Variants in OSMR observed in about 807,000 individuals in gnomAD.
OSMR encodes oncostatin-M-specific receptor subunit beta.
Under a neutral mutation model 99.9 loss-of-function variants are expected in OSMR, and 81 were observed. The observed-to-expected ratio is 0.81, with a 90% confidence interval of 0.68 to 0.97. OSMR has a LOEUF of 0.97. Among genes scored for constraint, OSMR ranks in the 50% least tolerant of loss-of-function variants. The probability of loss-of-function intolerance (pLI) is 0.00; values close to 1 mark genes in which losing one functional copy is unlikely to be tolerated. For synonymous variants in OSMR, 406 were observed against 410.4 expected (o/e 0.99, Z 0.13); for missense variants, 1,099 against 1,153.4 (o/e 0.95, Z 0.68).
At chr5:38,909,609 T>G (rs551928708) in intron 9 of OSMR, among the ~76,000 whole-genome samples, 1 of 152,326 alleles carries the variant, frequency 6.6e-6, no homozygotes, top group African/African-American at 2.4e-5. Flanking sequence ...CAACCAAGAA[T>G]TTCATATCTA....
rs1355371023 is a variant in OSMR, at chr5:38,933,152, T to C, written c.2648T>C (p.Met883Thr). The C allele has an allele frequency of 3.1e-6, 5 of 1,614,156 alleles. No individual in the cohort carries two copies. Among genetic ancestry groups the C allele is most frequent in the Non-Finnish European group, 8.5e-7 (1 of 1,179,998 alleles). The change falls in exon 18 of 18, where the codon ATG becomes ACG. Residue 883 changes from methionine to threonine, a missense_variant. Transcript: ENST00000274276. ...HVPVSPKAPS[M>T]LGLMTSPENV... ...CCAGTATCCCCAAAAGCCCCAAGTA[T>C]GCTGGGACTAATGACCTCACCTGAA...
At chr5:38,897,835 C>T (rs1424823758) in intron 7 of OSMR, among the ~76,000 whole-genome samples, 2 of 152,054 alleles carry the variant, frequency 1.3e-5, no homozygotes, top group African/African-American at 4.8e-5. Context: ...TCATTTGTTT[C>T]AAGAAATTTT....
intron 1 of OSMR, chr5:38,942,899 G>C (rs2112785100): frequency 1.2e-6 from 2 of 1,608,628 alleles, no homozygotes; most frequent in Non-Finnish European, 1.7e-6. Flanking sequence ...TGAATGTGCA[G>C]TGTGACAGCA....
intron 2 of OSMR, chr5:38,944,633 GAAATTTATTTTTA>G: frequency 2.2e-6 from 3 of 1,386,254 alleles, no homozygotes; most frequent in African/African-American, 1.5e-5. Context: ...TAAAACTCAT[GAAATTTATTTTTA>G]AACTTCACCT....
intron 9 of OSMR, among the ~76,000 whole-genome samples, chr5:38,916,919 G>A (rs1745930712): frequency 6.6e-6 from 1 of 152,138 alleles, no homozygotes; most frequent in African/African-American, 2.4e-5. Context: ...GAGAGACAAG[G>A]AAGCACACTA....
At chr5:38,857,707 G>A (rs563187388) in intron 1 of OSMR, among the ~76,000 whole-genome samples, 258 of 151,306 alleles carry the variant, frequency 1.7e-3, no homozygotes, top group African/African-American at 5.7e-3. Context: ...TCGCTGTGTC[G>A]CCTAGGCTGG....
At chr5:38,880,741 C>T (rs16867831) in intron 3 of OSMR, among the ~76,000 whole-genome samples, 38,386 of 151,972 alleles carry the variant, frequency 0.25, 5,115 homozygotes, top group African/African-American at 0.32. Flanking sequence ...TTTGGAGAGA[C>T]GATTCCTGCA....
chr5:38,869,102 A>T lies in OSMR; in HGVS notation c.58A>T (p.Thr20Ser). The change falls in exon 2 of 18, where the codon ACT (threonine) becomes TCT (serine). Residue 20 changes from threonine (T) to serine (S), a missense_variant. Coordinates refer to ENST00000274276, the MANE Select transcript of OSMR (RefSeq NM_003999.3). ...TFFLTLLSLR[T>S]YQSEVLAERL... ...CTTCTTAACATTGCTGTCCTTGAGG[A>T]CTTACCAGAGTGAAGGTAAGAAGTG... The T allele has an allele frequency of 6.2e-7, 1 of 1,611,838 alleles. No individual in the cohort carries two copies. The highest frequency in any genetic ancestry group is 8.5e-7 in the Non-Finnish European group (1 of 1,177,904).
At chr5:38,865,513 A>G (rs1446655920) in intron 1 of OSMR, among the ~76,000 whole-genome samples, 4 of 152,238 alleles carry the variant, frequency 2.6e-5, no homozygotes, top group African/African-American at 9.6e-5. Flanking sequence ...TGTAATCAGC[A>G]TTAGTAGTGT....
intron 10 of OSMR, 61 bp from the exon 11 acceptor site, chr5:38,918,779 A>C: frequency 6.3e-7 from 1 of 1,596,366 alleles, no homozygotes; most frequent in Non-Finnish European, 8.5e-7. Context: ...ATGAAAAAGG[A>C]GTTGTACAAA....
At position 38,918,838 on chromosome 5, in the gene OSMR, A is replaced by G; in HGVS notation, c.1363-2A>G. On this transcript the variant is annotated splice_acceptor_variant, in intron 10 of 17. Transcript: ENST00000274276. LOFTEE classifies it high-confidence loss of function. ...AAAAATGTTTATCAATATTTTTTTC[A>G]GCCATTATCAAAACTGCATGCCAAT... The G allele has an allele frequency of 6.2e-7, 1 of 1,613,618 alleles. No homozygotes were observed. The highest frequency in any genetic ancestry group is 8.5e-7 in the Non-Finnish European group (1 of 1,179,568).
intron 1 of OSMR, among the ~76,000 whole-genome samples, chr5:38,863,192 AGAGGGGGAGGGG>A (rs1247498132): frequency 3.9e-4 from 3 of 7,722 alleles, no homozygotes; most frequent in Non-Finnish European, 7.6e-4. Flanking sequence ...AGGGAGAGGG[AGAGGGGGAGGGG>A]GAGGGGGAGG....
rs778007462 is a variant in OSMR, at chr5:38,919,229, G to A, written c.1585+167G>A. ...CAGGTGTGTCAACGTGTTTCAGTGG[G>A]ACAGTCCCCTCAGTGTGGGGAGAAG... On this transcript the variant is annotated intron_variant, in intron 11 of 17. Coordinates refer to ENST00000274276, the MANE Select transcript of OSMR (RefSeq NM_003999.3). 8 of 1,528,788 alleles carry A rather than the reference G, an allele frequency of 5.2e-6. No homozygotes were observed. In the South Asian group the frequency reaches 8.4e-5, roughly 16 times the overall value. 94.7% of individuals were successfully genotyped at this position (1,528,788 alleles called of 1,614,324 possible). A position where few individuals can be genotyped will look rare whatever the true frequency, so the allele number is the denominator to read the frequency against.
chr5:38,894,846 G>A (rs1744396469), intron 7 of OSMR, among the ~76,000 whole-genome samples: 1 of 151,884 alleles, frequency 6.6e-6, no homozygotes, highest in African/African-American at 2.4e-5. Context: ...TTCAACACTG[G>A]ACAAATTGGG....
At chr5:38,917,966 T>C (rs1292507024) in intron 10 of OSMR, among the ~76,000 whole-genome samples, 4 of 152,158 alleles carry the variant, frequency 2.6e-5, no homozygotes, top group Non-Finnish European at 5.9e-5. Context: ...TATTTAAAAA[T>C]TATAAATCAA....
intron 1 of OSMR, among the ~76,000 whole-genome samples, chr5:38,854,231 T>C (rs371992933): frequency 6.6e-6 from 1 of 152,298 alleles, no homozygotes; most frequent in South Asian, 2.1e-4. Context: ...CAGCCAGTTT[T>C]GAAGTTTGTC....
chr5:38,882,511 G>T (rs990334144), intron 4 of OSMR, among the ~76,000 whole-genome samples: 2 of 152,042 alleles, frequency 1.3e-5, no homozygotes, highest in Non-Finnish European at 1.5e-5. Context: ...GGAGGCAGAG[G>T]TTGCAGTGAG....
intron 2 of OSMR, among the ~76,000 whole-genome samples, chr5:38,874,248 T>G (rs2112292040): frequency 6.6e-6 from 1 of 152,308 alleles, no homozygotes; most frequent in Middle Eastern, 3.4e-3. Context: ...GTTGTTGTTG[T>G]TGTTGCTCAT....
At chr5:38,888,117 G>A (rs945950930) in intron 7 of OSMR, among the ~76,000 whole-genome samples, 1 of 152,178 alleles carries the variant, frequency 6.6e-6, no homozygotes, top group African/African-American at 2.4e-5. Context: ...ATGTGCAGCA[G>A]AATAGTGGCT....
Sources: allele counts gnomAD v4.1 joint callset (sites outside exome capture counted in the v4.1 genomes callset), GRCh38; gene constraint gnomAD v4.1.1; transcripts MANE v1.5; gene names NCBI Gene and HGNC (gene_info 2026-07-23, HGNC 2026-07-21).